ECPAS: variants seen among roughly 807,000 people sequenced by gnomAD.
The protein encoded by ECPAS is Ecm29 proteasome adaptor and scaffold.
In ECPAS, 70 loss-of-function variants were observed where a neutral mutation model predicts 255.1. The ratio of observed to expected loss-of-function variants is 0.27; its 90% CI spans 0.23 to 0.33. The LOEUF (loss-of-function observed/expected upper bound fraction) is 0.33, where lower values mean the gene tolerates loss of function less well. ECPAS is among the 10% of genes least tolerant of loss of function. The pLI, the probability that ECPAS is intolerant of heterozygous loss-of-function variation, is 1.00. For synonymous variants in ECPAS, 784 were observed against 775.0 expected (o/e 1.01, Z -0.19); for missense variants, 1,817 against 2,206.4 (o/e 0.82, Z 3.54).
At chr9:111,409,600 G>A (rs1239538738) in intron 23 of ECPAS, among the ~76,000 whole-genome samples, 1 of 151,704 alleles carries the variant, frequency 6.6e-6, no homozygotes, top group Non-Finnish European at 1.5e-5. Flanking sequence ...TAAACTTGTA[G>A]TAGTAAACTG....
intron 2 of ECPAS, among the ~76,000 whole-genome samples, chr9:111,465,305 C>T (rs1262565022): frequency 3.3e-5 from 5 of 151,714 alleles, no homozygotes; most frequent in African/African-American, 1.2e-4. Flanking sequence ...TTTGGGAGGC[C>T]GAGGTGGGTG....
At chr9:111,423,484 C>T (rs753794811) in intron 12 of ECPAS, among the ~76,000 whole-genome samples, 2 of 152,142 alleles carry the variant, frequency 1.3e-5, no homozygotes, top group African/African-American at 2.4e-5. Flanking sequence ...ACCTTGCATC[C>T]CCAATCGCTC....
At chr9:111,444,992 C>CT (rs373389870) in intron 3 of ECPAS, among the ~76,000 whole-genome samples, 4,325 of 105,548 alleles carry the variant, frequency 0.041, 218 homozygotes, top group East Asian at 0.15. Flanking sequence ...CTGCTCCTGG[C>CT]TTTTTTTTTT....
At chr9:111,452,700 GACA>G (rs2098261893) in intron 2 of ECPAS, among the ~76,000 whole-genome samples, 1 of 152,158 alleles carries the variant, frequency 6.6e-6, no homozygotes, top group African/African-American at 2.4e-5. Flanking sequence ...ATGGATCAAT[GACA>G]GAGACGTAGA....
At chr9:111,403,146 G>C (rs1288752798) in intron 24 of ECPAS, among the ~76,000 whole-genome samples, 1 of 150,578 alleles carries the variant, frequency 6.6e-6, no homozygotes, top group Non-Finnish European at 1.5e-5. Context: ...TGAGGTCAGG[G>C]GTTCAAGACC....
In ECPAS at chr9:111,365,288, TATCATCATCATC is replaced by T. The variant is rs143492409; in HGVS notation, c.5308+939_5308+950del. Among the ~76,000 whole-genome samples the T allele has an allele frequency of 4.0e-3, 597 of 147,642 alleles. 1 individual carries two copies. Among genetic ancestry groups the T allele is most frequent in the Non-Finnish European group, 5.9e-3 (395 of 67,048 alleles). ...CTGTCTCAAAAATAATAATAACCAT[TATCATCATCATC>T]ATCATCATCATCATCATCATCATCA... is the stretch of plus-strand genomic sequence containing the variant. On this transcript the variant is annotated intron_variant, in intron 48 of 49. Transcript: ENST00000684092.
chr9:111,380,174 T>C (rs1564503833), intron 35 of ECPAS, among the ~76,000 whole-genome samples: 1 of 152,248 alleles, frequency 6.6e-6, no homozygotes, highest in Admixed American at 6.5e-5. Flanking sequence ...CCTTGATCCA[T>C]GGGCTTCAGA....
chr9:111,379,387 C>T (rs1272240059), intron 35 of ECPAS, among the ~76,000 whole-genome samples: 3 of 152,212 alleles, frequency 2.0e-5, no homozygotes, highest in Admixed American at 1.3e-4. Context: ...AAATAAAGTA[C>T]ATTAGTTAAC....
intron 28 of ECPAS, 41 bp downstream of exon 28, chr9:111,392,727 C>G: frequency 7.4e-7 from 1 of 1,357,754 alleles, no homozygotes; most frequent in Non-Finnish European, 1.0e-6. Flanking sequence ...GTAGAGACTT[C>G]CTCTATGGGC....
chr9:111,470,875 A>C (rs1006116055), intron 2 of ECPAS, among the ~76,000 whole-genome samples: 3 of 152,066 alleles, frequency 2.0e-5, no homozygotes, highest in Non-Finnish European at 4.4e-5. Flanking sequence ...AGTAAGTGCT[A>C]GACTCCCAAC....
intron 48 of ECPAS, among the ~76,000 whole-genome samples, chr9:111,365,164 G>A (rs1334055889): frequency 6.6e-6 from 1 of 152,116 alleles, no homozygotes; most frequent in African/African-American, 2.4e-5. Context: ...CCAGTTACTT[G>A]GGAAACTGAG....
At chr9:111,363,516 C>A in intron 49 of ECPAS, 72 bp downstream of exon 49, 2 of 891,904 alleles carry the variant, frequency 2.2e-6, no homozygotes, top group East Asian at 2.5e-5. Context: ...TAAGCAAAAA[C>A]GAAACAAAAA....
At chr9:111,407,359 G>A (rs1156474976) in intron 24 of ECPAS, among the ~76,000 whole-genome samples, 4 of 105,192 alleles carry the variant, frequency 3.8e-5, no homozygotes, top group Non-Finnish European at 6.6e-5. Context: ...CCAAGATCAC[G>A]CCACTTTACT....
chr9:111,439,008 G>A (rs888514594), intron 6 of ECPAS, among the ~76,000 whole-genome samples: 1 of 152,164 alleles, frequency 6.6e-6, no homozygotes, highest in African/African-American at 2.4e-5. Context: ...AAAATAAGTA[G>A]ACCAGAAGTA....
chr9:111,413,651 T>C (rs1354600405), intron 20 of ECPAS, among the ~76,000 whole-genome samples: 1 of 152,086 alleles, frequency 6.6e-6, no homozygotes, highest in African/African-American at 2.4e-5. Context: ...AAAAAAACTT[T>C]TGAAACAGAA....
intron 37 of ECPAS, 48 bp from the exon 38 acceptor site, chr9:111,375,250 G>A (rs1003306217): frequency 8.4e-6 from 12 of 1,424,798 alleles, no homozygotes; most frequent in Non-Finnish European, 1.2e-5. Context: ...AAATAAGTCA[G>A]GACCACATCT....
rs542477689 is a variant in ECPAS at position 111,377,584 on chromosome 9, T to C, written c.3954+996A>G. 1.3e-4 allele frequency among the ~76,000 whole-genome samples: 20 copies of C among 152,300 alleles called. No homozygotes were observed. The South Asian group carries it at 3.5e-3, about 27-fold the overall frequency. ...CTATACATACATTAAAAAGAATAAG[T>C]GTATATATAGACACGATATACTGTT... On this transcript the variant is annotated intron_variant, in intron 36 of 49. Coordinates refer to ENST00000684092, the MANE Select transcript of ECPAS (RefSeq NM_001364929.1).
chr9:111,436,567 T>C (rs60301981), intron 7 of ECPAS, among the ~76,000 whole-genome samples: 28,613 of 152,102 alleles, frequency 0.19, 2,833 homozygotes, highest in East Asian at 0.34. Context: ...TAAGAAAAAT[T>C]GTATTTTAAC....
intron 2 of ECPAS, among the ~76,000 whole-genome samples, chr9:111,466,332 C>G (rs2098279502): frequency 6.6e-6 from 1 of 152,014 alleles, no homozygotes; most frequent in Non-Finnish European, 1.5e-5. Context: ...GTAATCCCAG[C>G]TACTCAGGAG....
Sources: gnomAD v4.1 joint callset for allele counts (sites outside exome capture counted in the v4.1 genomes callset) on GRCh38, gnomAD v4.1.1 for gene constraint, MANE v1.5 for transcripts, NCBI Gene and HGNC (gene_info 2026-07-23, HGNC 2026-07-21) for gene names.